B3GALT1: variants seen among roughly 807,000 people sequenced by gnomAD.
B3GALT1 encodes the protein beta-1,3-galactosyltransferase 1, also known as UDP-Gal:betaGlcNAc beta 1,3-galactosyltransferase, polypeptide 1.
Under a neutral mutation model 23.2 loss-of-function variants are expected in B3GALT1, and 10 were observed. The observed-to-expected ratio is 0.43, with a 90% CI of 0.27 to 0.73. B3GALT1 has a LOEUF of 0.73. B3GALT1 is among the 30% of genes least tolerant of loss of function. B3GALT1 has a pLI of 0.21. For missense variants in B3GALT1, 299 were observed against 405.4 expected, an observed-to-expected ratio of 0.74 and a Z score of 2.25; for synonymous variants, 156 against 141.5, an observed-to-expected ratio of 1.10 and a Z score of -0.73.
At chr2:167,312,762 C>T (rs563302969) in intron 1 of B3GALT1, among the ~76,000 whole-genome samples, 1 of 152,190 alleles carries the variant, frequency 6.6e-6, no homozygotes, top group East Asian at 1.9e-4. Flanking sequence ...AAAACTATCA[C>T]TCTTCACTTT....
chr2:167,680,283 A>G (rs1249840664), intron 3 of B3GALT1, among the ~76,000 whole-genome samples: 1 of 152,228 alleles, frequency 6.6e-6, no homozygotes, highest in Non-Finnish European at 1.5e-5. Context: ...AAAGCCCAGG[A>G]CAGGGGGATT....
At chr2:167,715,835 T>C in intron 3 of B3GALT1, 1 of 1,613,934 alleles carries the variant, frequency 6.2e-7, no homozygotes, top group South Asian at 1.1e-5. Flanking sequence ...TTCACCAAGT[T>C]TTTTTCTCTC....
intron 3 of B3GALT1, among the ~76,000 whole-genome samples, chr2:167,757,111 G>A (rs59127270): frequency 0.012 from 1,900 of 152,168 alleles, 44 homozygotes; most frequent in African/African-American, 0.043. Flanking sequence ...CATCCACTAC[G>A]TCAGAGGAAG....
At chr2:167,426,925 A>C (rs746930190) in intron 1 of B3GALT1, among the ~76,000 whole-genome samples, 96 of 152,354 alleles carry the variant, frequency 6.3e-4, no homozygotes, top group Non-Finnish European at 1.1e-3. Context: ...GTTCATTGCA[A>C]CATTGTTTTA....
chr2:167,325,182 C>A (rs960374570), intron 1 of B3GALT1, among the ~76,000 whole-genome samples: 24 of 151,990 alleles, frequency 1.6e-4, no homozygotes, highest in Non-Finnish European at 1.5e-5. Flanking sequence ...ATACATATAT[C>A]TCTTTGATAT....
chr2:167,683,746 AACAC>A (rs369993410), intron 3 of B3GALT1, among the ~76,000 whole-genome samples: 3 of 150,708 alleles, frequency 2.0e-5, no homozygotes, highest in African/African-American at 4.9e-5. Context: ...TTAAAAAGAA[AACAC>A]ACACACACAC....
intron 2 of B3GALT1, among the ~76,000 whole-genome samples, chr2:167,562,276 T>C (rs1435185190): frequency 1.3e-5 from 2 of 152,312 alleles, no homozygotes; most frequent in East Asian, 1.9e-4. Flanking sequence ...CTAAAAACTC[T>C]CAATACATTA....
intron 1 of B3GALT1, among the ~76,000 whole-genome samples, chr2:167,312,683 C>A (rs1398233496): frequency 6.6e-6 from 1 of 151,990 alleles, no homozygotes; most frequent in Non-Finnish European, 1.5e-5. Flanking sequence ...AAAAATTAAA[C>A]TGTATCCTGT....
At chr2:167,400,069 G>A (rs1698162277) in intron 1 of B3GALT1, among the ~76,000 whole-genome samples, 1 of 151,822 alleles carries the variant, frequency 6.6e-6, no homozygotes, top group African/African-American at 2.4e-5. Flanking sequence ...TTAGAAGTCT[G>A]ATTCCAGAGT....
At chr2:167,790,956 T>G (rs1156529719) in intron 3 of B3GALT1, among the ~76,000 whole-genome samples, 2 of 152,212 alleles carry the variant, frequency 1.3e-5, no homozygotes, top group Non-Finnish European at 1.5e-5. Flanking sequence ...ATTACATTAT[T>G]TTCTTCTAGT....
intron 3 of B3GALT1, among the ~76,000 whole-genome samples, chr2:167,791,279 A>G (rs922047000): frequency 3.2e-4 from 48 of 152,306 alleles, no homozygotes; most frequent in African/African-American, 1.0e-3. Flanking sequence ...CCAGTAGACT[A>G]TCTTGCCTGG....
chr2:167,546,722 G>GAAC (rs1683642907), intron 2 of B3GALT1, among the ~76,000 whole-genome samples: 1 of 152,128 alleles, frequency 6.6e-6, no homozygotes, highest in South Asian at 2.1e-4. Context: ...TAATGTGGAA[G>GAAC]AACACCCCCT....
At chr2:167,315,679 C>T (rs1460512828) in intron 1 of B3GALT1, among the ~76,000 whole-genome samples, 1 of 152,130 alleles carries the variant, frequency 6.6e-6, no homozygotes, top group African/African-American at 2.4e-5. Flanking sequence ...ATACCAAGTA[C>T]AGTGCCATTT....
intron 3 of B3GALT1, among the ~76,000 whole-genome samples, chr2:167,684,715 A>G (rs1205302355): frequency 6.6e-6 from 1 of 152,228 alleles, no homozygotes; most frequent in East Asian, 1.9e-4. Flanking sequence ...TCTTTATTCT[A>G]AGCAGATTAT....
At chr2:167,632,733 C>T (rs1685472238) in intron 2 of B3GALT1, among the ~76,000 whole-genome samples, 1 of 151,858 alleles carries the variant, frequency 6.6e-6, no homozygotes, top group African/African-American at 2.4e-5. Context: ...AAATTTTCTC[C>T]CATTCTGTAG....
At chr2:167,666,706 G>A (rs905607194) in intron 3 of B3GALT1, among the ~76,000 whole-genome samples, 3 of 152,092 alleles carry the variant, frequency 2.0e-5, no homozygotes, top group Non-Finnish European at 2.9e-5. Context: ...ATTATGTAAT[G>A]GCCTTCTTTG....
intron 1 of B3GALT1, among the ~76,000 whole-genome samples, chr2:167,390,255 T>C (rs1189319611): frequency 6.6e-6 from 1 of 152,194 alleles, no homozygotes; most frequent in South Asian, 2.1e-4. Flanking sequence ...CAAGAGCTGA[T>C]AGAGTTGCTC....
chr2:167,631,896 C>A (rs1685454660), intron 2 of B3GALT1, among the ~76,000 whole-genome samples: 1 of 151,308 alleles, frequency 6.6e-6, no homozygotes, highest in Non-Finnish European at 1.5e-5. Flanking sequence ...TTTGCTGCAC[C>A]CATCAACTCA....
chr2:167,689,140 CAAAA>C (rs35745682), intron 3 of B3GALT1, among the ~76,000 whole-genome samples: 11,709 of 137,508 alleles, frequency 0.085, 710 homozygotes, highest in East Asian at 0.26. Flanking sequence ...CCAAAAAGAC[CAAAA>C]AAAAAAAAAA....
Sources: allele counts gnomAD v4.1 joint callset (sites outside exome capture counted in the v4.1 genomes callset), GRCh38; gene constraint gnomAD v4.1.1; transcripts MANE v1.5; gene names NCBI Gene and HGNC (gene_info 2026-07-23, HGNC 2026-07-21).